Variants in TTC7B observed in about 807,000 individuals in gnomAD.
The protein encoded by TTC7B is tetratricopeptide repeat domain 7B, also known as tetratricopeptide repeat protein 7B.
A neutral mutation model predicts 106.8 loss-of-function variants in TTC7B; 28 were observed. That is an observed-to-expected ratio of 0.26 (90% CI 0.19 to 0.36). The LOEUF (loss-of-function observed/expected upper bound fraction) is 0.36, where lower values mean the gene tolerates loss of function less well. Among genes scored for constraint, TTC7B ranks in the 10% least tolerant of loss-of-function variants. The pLI is 1.00. For missense variants in TTC7B, 862 were observed against 1,076.4 expected, an observed-to-expected ratio of 0.80 and a Z score of 2.79; for synonymous variants, 405 against 430.6, an observed-to-expected ratio of 0.94 and a Z score of 0.74.
rs1434173090 is a variant in TTC7B at position 90,593,505 on chromosome 14, T to C, written c.2088A>G (p.Ala696=). The C allele has an allele frequency of 6.2e-7, 1 of 1,607,964 alleles. No homozygotes were observed. Among genetic ancestry groups the C allele is most frequent in the South Asian group, 1.1e-5 (1 of 90,380 alleles). The change falls in exon 18 of 20, where the codon GCA becomes GCG. Residue 696 remains alanine, a synonymous_variant. Coordinates refer to ENST00000328459, the MANE Select transcript of TTC7B (RefSeq NM_001010854.2). ...QGPLHPWMTL[A]QIWLHAAEVY... ...GGGTACCTGCATGGAGCCAGATCTG[T>C]GCCAGCGTCATCCAGGGGTGCAGCG...
chr14:90,679,469 G>A (rs1437059863), intron 8 of TTC7B, among the ~76,000 whole-genome samples: 1 of 152,176 alleles, frequency 6.6e-6, no homozygotes, highest in Admixed American at 6.5e-5. Context: ...CTTTAGTTAT[G>A]ATTCCCTTCT....
intron 1 of TTC7B, among the ~76,000 whole-genome samples, chr14:90,795,794 C>T (rs1891755462): frequency 6.6e-6 from 1 of 152,156 alleles, no homozygotes; most frequent in Non-Finnish European, 1.5e-5. Context: ...ACACAAGCTC[C>T]GTGTTCAACA....
Position 90,710,354 on chromosome 14 carries a change from A to G in TTC7B, c.699-14776T>C, listed in dbSNP as rs188460681. On this transcript the variant is annotated intron_variant, in intron 5 of 19. Coordinates refer to ENST00000328459, the MANE Select transcript of TTC7B (RefSeq NM_001010854.2). ...TGAGGAATTGCTCTTACAGATATAC[A>G]AAGAAATAAGTTTCTTGAAATGGAA... Among the ~76,000 whole-genome samples, 14 of 152,330 alleles carry G rather than the reference A, an allele frequency of 9.2e-5. 1 individual carries two copies. In the East Asian group the frequency reaches 2.3e-3, roughly 25 times the overall value.
At chr14:90,728,831 G>A (rs1010173918) in intron 5 of TTC7B, among the ~76,000 whole-genome samples, 3 of 152,240 alleles carry the variant, frequency 2.0e-5, no homozygotes, top group Admixed American at 6.5e-5. Context: ...GGCAAGGGCC[G>A]GGAGCTCCTC....
At chr14:90,677,740 C>T in intron 8 of TTC7B, 1 of 440,188 alleles carries the variant, frequency 2.3e-6, no homozygotes, top group Non-Finnish European at 4.5e-6. Context: ...ACACACCTTC[C>T]CTCTCACTAA....
intron 12 of TTC7B, 111 bp from the exon 13 acceptor site, chr14:90,653,009 G>A (rs996864134): frequency 3.6e-6 from 4 of 1,120,532 alleles, no homozygotes; most frequent in Non-Finnish European, 5.4e-6. Flanking sequence ...AACAATGTCT[G>A]AGTGCCTACG....
intron 5 of TTC7B, among the ~76,000 whole-genome samples, chr14:90,701,457 T>G (rs1365323895): frequency 6.6e-6 from 1 of 151,694 alleles, no homozygotes; most frequent in African/African-American, 2.4e-5. Context: ...CAGGAACACA[T>G]AAACAAGTCC....
chr14:90,622,138 G>A (rs1463786630), intron 15 of TTC7B, among the ~76,000 whole-genome samples: 1 of 140,192 alleles, frequency 7.1e-6, no homozygotes, highest in Non-Finnish European at 1.5e-5. Context: ...TTTTTTTTGA[G>A]ACAGAGTCCC....
In TTC7B at chr14:90,759,189, T is replaced by C. The variant is rs1890418172; in HGVS notation, c.446-14267A>G. ...ACGCTCTGAGCCGCACATGACTCTC[T>C]CCTTCTCCACAGAACAATCTGTGTT... is the stretch of plus-strand genomic sequence containing the variant. On this transcript the variant is annotated intron_variant, in intron 3 of 19. Transcript: ENST00000328459. This position sits in a 1 kb window ranked among gnomAD's most constrained non-coding sequence, Gnocchi z 4.1. 1.3e-5 allele frequency among the ~76,000 whole-genome samples: 2 copies of C among 152,072 alleles called. No homozygotes were observed. The highest frequency in any genetic ancestry group is 1.5e-5 in the Non-Finnish European group (1 of 68,000).
At chr14:90,623,168 C>T (rs146345945) in intron 15 of TTC7B, among the ~76,000 whole-genome samples, 3 of 152,136 alleles carry the variant, frequency 2.0e-5, no homozygotes, top group Admixed American at 1.3e-4. Context: ...ATAAAAAACA[C>T]GAGAGCTCAC....
intron 4 of TTC7B, among the ~76,000 whole-genome samples, chr14:90,740,016 T>C (rs1369737370): frequency 6.6e-6 from 1 of 152,246 alleles, no homozygotes; most frequent in Non-Finnish European, 1.5e-5. Context: ...ATTTATTTGG[T>C]TAAATTATTT....
chr14:90,603,295 G>A (rs1348145364), intron 17 of TTC7B: 3 of 1,289,716 alleles, frequency 2.3e-6, no homozygotes, highest in African/African-American at 3.0e-5. Context: ...TATGCTTCTG[G>A]AGAGTTGCCT....
At chr14:90,760,595 T>C (rs371211341) in intron 3 of TTC7B, among the ~76,000 whole-genome samples, 1 of 152,252 alleles carries the variant, frequency 6.6e-6, no homozygotes, top group Non-Finnish European at 1.5e-5. Flanking sequence ...CAAATGCTCA[T>C]GTATTTCAGG....
intron 3 of TTC7B, among the ~76,000 whole-genome samples, chr14:90,748,783 T>C (rs1429917466): frequency 6.6e-6 from 1 of 152,206 alleles, no homozygotes; most frequent in East Asian, 1.9e-4. Flanking sequence ...TTATTTTTGT[T>C]TAGTCATTTT....
At chr14:90,767,000 C>T in intron 3 of TTC7B, 2 of 1,041,616 alleles carry the variant, frequency 1.9e-6, no homozygotes, top group East Asian at 2.5e-5. Flanking sequence ...GTCTGTAGGC[C>T]TTGTCTGTTA....
chr14:90,654,391 C>T (rs1885859630), intron 12 of TTC7B, among the ~76,000 whole-genome samples: 1 of 152,142 alleles, frequency 6.6e-6, no homozygotes, highest in Admixed American at 6.5e-5. Context: ...AAATTTTCTG[C>T]AAATATCACT....
At chr14:90,617,650 A>G (rs913642636) in intron 16 of TTC7B, among the ~76,000 whole-genome samples, 1 of 152,210 alleles carries the variant, frequency 6.6e-6, no homozygotes, top group Non-Finnish European at 1.5e-5. Flanking sequence ...CGGGTGTTAG[A>G]GAGAAACTGG....
chr14:90,811,838 C>A (rs1444937939), intron 1 of TTC7B, among the ~76,000 whole-genome samples: 1 of 152,192 alleles, frequency 6.6e-6, no homozygotes, highest in East Asian at 1.9e-4. Flanking sequence ...GATTAACAGG[C>A]TGGGGAAGGC....
chr14:90,630,599 A>G (rs1041192112), intron 15 of TTC7B, among the ~76,000 whole-genome samples: 1 of 152,170 alleles, frequency 6.6e-6, no homozygotes, highest in Non-Finnish European at 1.5e-5. Context: ...CCAGTACTCT[A>G]TTCGTGTTGC....
Sources: gnomAD v4.1 joint callset for allele counts (sites outside exome capture counted in the v4.1 genomes callset) on GRCh38, gnomAD v4.1.1 for gene constraint, Gnocchi (gnomAD v3.1) non-coding constraint, MANE v1.5 for transcripts, NCBI Gene and HGNC (gene_info 2026-07-23, HGNC 2026-07-21) for gene names.